GALC: variants seen among roughly 807,000 people sequenced by gnomAD.
The protein encoded by GALC is galactocerebrosidase.
In GALC, 77 loss-of-function variants were observed where a neutral mutation model predicts 91.8. The ratio of observed to expected loss-of-function variants is 0.84; its 90% confidence interval spans 0.70 to 1.01. The LOEUF is 1.01. Among genes scored for constraint, GALC ranks in the 50% least tolerant of loss-of-function variants. The pLI, the probability that GALC is intolerant of heterozygous loss-of-function variation, is 0.00. For synonymous variants in GALC, 357 were observed against 306.7 expected, an observed-to-expected ratio of 1.16 and a Z score of -1.71; for missense variants, 882 against 855.9, an observed-to-expected ratio of 1.03 and a Z score of -0.38.
chr14:87,963,785 A>ATAGT (rs1885911540), intron 9 of GALC, among the ~76,000 whole-genome samples: 2 of 152,112 alleles, frequency 1.3e-5, no homozygotes, highest in African/African-American at 2.4e-5. Context: ...TAAGAATAAA[A>ATAGT]TAGTTATTCC....
intron 13 of GALC, among the ~76,000 whole-genome samples, chr14:87,946,809 CCT>C (rs1347031089): frequency 1.3e-5 from 2 of 151,854 alleles, no homozygotes; most frequent in Non-Finnish European, 1.5e-5. Context: ...CCAAGCTCCC[CCT>C]GAGGATCACT....
At chr14:87,954,472 T>C (rs1885435247) in intron 10 of GALC, 4 of 1,581,552 alleles carry the variant, frequency 2.5e-6, no homozygotes, top group South Asian at 1.1e-5. Flanking sequence ...AATTTAAATA[T>C]CTTTTTGTTC....
intron 13 of GALC, 87 bp downstream of exon 13, chr14:87,947,641 C>A: frequency 7.7e-7 from 1 of 1,296,298 alleles, no homozygotes; most frequent in Non-Finnish European, 1.1e-6. Context: ...GACAGCCACT[C>A]CATCATGCAC....
At chr14:87,976,783 T>G (rs1387987068) in intron 6 of GALC, 1 of 355,146 alleles carries the variant, frequency 2.8e-6, no homozygotes, top group East Asian at 7.1e-5. Context: ...CCTGGCTAAT[T>G]TTTGTATTTT....
At chr14:87,992,629 G>C in intron 1 of GALC, 1 of 1,448,662 alleles carries the variant, frequency 6.9e-7, no homozygotes, top group South Asian at 1.4e-5. Context: ...CCATCTCCGC[G>C]ATGAAGACAG....
rs535956106 is a variant in GALC at position 87,941,337 on chromosome 14, G to A, written c.1834+58C>T. The A allele has an allele frequency of 6.3e-4, 687 of 1,085,362 alleles. 12 individuals are homozygous for A. In the South Asian group the frequency reaches 8.8e-3, roughly 14 times the overall value. The allele number at this position is 1,085,362 out of a possible 1,614,324, so 67.2% of individuals were successfully genotyped here. The stretch of plus-strand genomic sequence containing the variant: ...TCACTCCCACAAATAACAAGTAGGT[G>A]CTCAAAGTAACATAGCCCATAAGTC... On this transcript the variant is annotated intron_variant, in intron 15 of 16. Coordinates refer to ENST00000261304, the MANE Select transcript of GALC (RefSeq NM_000153.4).
chr14:87,985,742 C>G (rs1484957448), intron 4 of GALC, among the ~76,000 whole-genome samples: 1 of 152,134 alleles, frequency 6.6e-6, no homozygotes, highest in Non-Finnish European at 1.5e-5. Context: ...TTCAAAAAAT[C>G]AAATTCATTT....
chr14:87,937,271 T>C (rs1023384995), intron 16 of GALC, among the ~76,000 whole-genome samples: 1 of 58,358 alleles, frequency 1.7e-5, no homozygotes, highest in African/African-American at 5.3e-5. Context: ...TCCCTGCTCT[T>C]ATGGAGCTTA....
At chr14:87,991,403 C>T (rs1455557690) in intron 1 of GALC, among the ~76,000 whole-genome samples, 1 of 152,132 alleles carries the variant, frequency 6.6e-6, no homozygotes, top group Non-Finnish European at 1.5e-5. Flanking sequence ...GGGGTTTCAC[C>T]GTGTTAGCCA....
At chr14:87,992,448 G>T (rs758823445) in intron 1 of GALC, 1 of 1,535,148 alleles carries the variant, frequency 6.5e-7, no homozygotes, top group Non-Finnish European at 8.7e-7. Flanking sequence ...CCTCTCTGGA[G>T]GAGCCCATTC....
chr14:87,955,338 C>G lies in GALC; in HGVS notation c.1162-4590G>C. The G allele has an allele frequency of 8.5e-6, 5 of 587,634 alleles. No homozygotes were observed. The South Asian group carries it at 1.0e-4, about 12-fold the overall frequency. 36.4% of individuals were successfully genotyped at this position (587,634 alleles called of 1,614,324 possible). A position where few individuals can be genotyped will look rare whatever the true frequency, so the allele number is the denominator to read the frequency against. On this transcript the variant is annotated intron_variant, in intron 10 of 16. Coordinates refer to ENST00000261304, the MANE Select transcript of GALC (RefSeq NM_000153.4). ...TTTACAAAGAGAATTTCAATTAAAA[C>G]TTTTTTCTAAGAAAATCCTGTGAGG...
At chr14:87,972,023 G>A (rs959986911) in intron 7 of GALC, among the ~76,000 whole-genome samples, 9 of 152,092 alleles carry the variant, frequency 5.9e-5, no homozygotes, top group African/African-American at 1.9e-4. Context: ...TATAGCACAG[G>A]CCAAGCACAA....
intron 10 of GALC, chr14:87,955,193 C>T (rs1163444007): frequency 1.3e-5 from 16 of 1,216,754 alleles, no homozygotes; most frequent in East Asian, 9.3e-5. Context: ...GGAGCCGATG[C>T]CCTTTTCTGA....
rs1309910807 is a variant in GALC, at chr14:87,934,624, A to C, written c.*108T>G. On this transcript the variant is annotated 3_prime_UTR_variant, in exon 17 of 17. Coordinates refer to ENST00000261304, the MANE Select transcript of GALC (RefSeq NM_000153.4). ...TCCCCTTTTACTCTTCATTATTTTT[A>C]GTCTCAAAAGCCTCATATACTGTTC... 24 of 1,584,658 alleles carry C rather than the reference A, an allele frequency of 1.5e-5. No homozygotes were observed.
intron 10 of GALC, chr14:87,952,745 T>C (rs1268556520): frequency 3.3e-6 from 5 of 1,523,070 alleles, no homozygotes; most frequent in Non-Finnish European, 4.5e-6. Context: ...TGAATAGACA[T>C]GTTCATGTGA....
At chr14:87,956,589 T>TATATATACAC (rs1462282904) in intron 10 of GALC, among the ~76,000 whole-genome samples, 1 of 122,390 alleles carries the variant, frequency 8.2e-6, no homozygotes, top group Non-Finnish European at 1.7e-5. Context: ...ACACACCATA[T>TATATATACAC]ATATACACAC....
At position 87,986,482 on chromosome 14, in the gene GALC, T is replaced by G. The variant is rs1259157550; in HGVS notation, c.442+7A>C. The G allele has an allele frequency of 6.6e-7, 1 of 1,521,338 alleles. No individual in the cohort carries two copies. The highest frequency in any genetic ancestry group is 9.1e-7 in the Non-Finnish European group (1 of 1,095,762). 94.2% of individuals were successfully genotyped at this position (1,521,338 alleles called of 1,614,324 possible). On this transcript the variant is annotated splice_region_variant and intron_variant, in intron 4 of 16. Transcript: ENST00000261304. ...ACTGAAGAAACATTGCAAACTTCAT[T>G]TCTTACCAATGAGTGTAATATTGGG...
chr14:87,952,560 C>A lies in GALC; in HGVS notation c.1162-1812G>T. 3.1e-6 allele frequency: 3 copies of A among 983,464 alleles called. No individual in the cohort carries two copies. In the South Asian group the frequency reaches 4.0e-5, roughly 13 times the overall value. The allele number at this position is 983,464 out of a possible 1,614,324, so 60.9% of individuals were successfully genotyped here. On this transcript the variant is annotated intron_variant, in intron 10 of 16. Coordinates refer to ENST00000261304, the MANE Select transcript of GALC (RefSeq NM_000153.4). Reference sequence around the variant, plus strand: ...TCCACTAAAAATGACAGTATCACAACACACAGTTTCTTTAATGTCCGTTGC... The same window carrying A: ...TCCACTAAAAATGACAGTATCACAAAACACAGTTTCTTTAATGTCCGTTGC...
At chr14:87,938,227 T>C (rs1428658216) in intron 16 of GALC, among the ~76,000 whole-genome samples, 1 of 151,978 alleles carries the variant, frequency 6.6e-6, no homozygotes, top group Middle Eastern at 3.2e-3. Context: ...AGGAGCTATG[T>C]GCTAGTGAAG....
Sources: allele counts gnomAD v4.1 joint callset (sites outside exome capture counted in the v4.1 genomes callset), GRCh38; gene constraint gnomAD v4.1.1; transcripts MANE v1.5; gene names NCBI Gene and HGNC (gene_info 2026-07-23, HGNC 2026-07-21).